Variants in FHIT observed in about 807,000 individuals in gnomAD.
FHIT encodes fragile histidine triad diadenosine triphosphatase, also known as bis(5'-adenosyl)-triphosphatase.
FHIT carries 19 observed loss-of-function variants against 17.9 expected under a neutral mutation model. That is an observed-to-expected ratio of 1.06 (90% CI 0.74 to 1.56). FHIT has a LOEUF of 1.56. Among genes scored for constraint, FHIT ranks in the 40% most tolerant of loss-of-function variants. FHIT has a pLI of 0.00. For missense variants in FHIT, 248 were observed against 189.2 expected (o/e 1.31, Z -1.82); for synonymous variants, 81 against 69.7 (o/e 1.16, Z -0.81).
At chr3:60,980,558 A>G (rs372514120) in intron 3 of FHIT, among the ~76,000 whole-genome samples, 1 of 152,188 alleles carries the variant, frequency 6.6e-6, no homozygotes, top group African/African-American at 2.4e-5. Flanking sequence ...CTGCCTACTC[A>G]TAACTCCCAG....
intron 3 of FHIT, among the ~76,000 whole-genome samples, chr3:60,935,357 G>A (rs1293675518): frequency 6.6e-6 from 1 of 152,008 alleles, no homozygotes; most frequent in Non-Finnish European, 1.5e-5. Context: ...CACTCTCGAG[G>A]TACACATGTT....
At position 60,863,546 on chromosome 3, in the gene FHIT, T is replaced by A. The variant is rs192078630; in HGVS notation, c.-110-41535A>T. On this transcript the variant is annotated intron_variant, in intron 3 of 9. Transcript: ENST00000492590. ...AAAGTATGCCTTATCACCTTATCAT[T>A]CATCAATCTGAGGTTTACTAAACAC... Among the ~76,000 whole-genome samples, 11 of 152,320 alleles carry A rather than the reference T, an allele frequency of 7.2e-5. No individual in the cohort carries two copies. The East Asian group carries it at 2.1e-3, about 29-fold the overall frequency.
At chr3:59,869,455 C>CATTAT (rs1333268535) in intron 8 of FHIT, among the ~76,000 whole-genome samples, 22 of 145,058 alleles carry the variant, frequency 1.5e-4, no homozygotes, top group African/African-American at 5.8e-4. Flanking sequence ...ATGTACTAGT[C>CATTAT]ATTATTCCAT....
chr3:59,907,447 TGAGA>T (rs755951813), intron 8 of FHIT, among the ~76,000 whole-genome samples: 2 of 152,102 alleles, frequency 1.3e-5, no homozygotes, highest in Non-Finnish European at 2.9e-5. Flanking sequence ...TGCCCCAGTG[TGAGA>T]GAGAAATGAT....
chr3:60,700,413 G>T (rs2041218945), intron 4 of FHIT, among the ~76,000 whole-genome samples: 1 of 152,086 alleles, frequency 6.6e-6, no homozygotes, highest in Non-Finnish European at 1.5e-5. Flanking sequence ...TGGACATGCT[G>T]GACATCACAT....
chr3:60,924,618 C>G (rs1451895304), intron 3 of FHIT, among the ~76,000 whole-genome samples: 2 of 152,112 alleles, frequency 1.3e-5, no homozygotes, highest in Non-Finnish European at 2.9e-5. Context: ...AAAAACAGAG[C>G]AGAAAAACTG....
intron 2 of FHIT, among the ~76,000 whole-genome samples, chr3:61,187,427 A>G (rs1374664524): frequency 6.6e-6 from 1 of 152,184 alleles, no homozygotes; most frequent in Non-Finnish European, 1.5e-5. Context: ...CCAGATTCAT[A>G]AAGCAAGCCC....
rs2034015636 is a variant in FHIT, at chr3:61,051,275, G to C, written c.-163-9176C>G. Among the ~76,000 whole-genome samples, 3 of 152,060 alleles carry C rather than the reference G, an allele frequency of 2.0e-5. No individual in the cohort carries two copies. In the South Asian group the frequency reaches 6.3e-4, roughly 32 times the overall value. On this transcript the variant is annotated intron_variant, in intron 2 of 9. Coordinates refer to ENST00000492590, the MANE Select transcript of FHIT (RefSeq NM_002012.4). ...TGTTTGTTTGTTTGTTTGTTTGTTT[G>C]TTTGTTTGTTTTTGAGACAGGGTCT...
chr3:60,514,538 G>T (rs2035075429), intron 5 of FHIT, among the ~76,000 whole-genome samples: 1 of 152,212 alleles, frequency 6.6e-6, no homozygotes, highest in Non-Finnish European at 1.5e-5. Context: ...GCTAATGCAT[G>T]CAGGGCTTAA....
intron 2 of FHIT, among the ~76,000 whole-genome samples, chr3:61,069,433 C>CA (rs1321708521): frequency 2.0e-5 from 3 of 152,156 alleles, no homozygotes; most frequent in African/African-American, 7.2e-5. Flanking sequence ...GCTTTTCCCC[C>CA]AACATCTCGC....
intron 3 of FHIT, among the ~76,000 whole-genome samples, chr3:60,974,549 T>C (rs1345143155): frequency 6.6e-6 from 1 of 152,182 alleles, no homozygotes; most frequent in Non-Finnish European, 1.5e-5. Context: ...CTCAGTTACA[T>C]GAATCAATAA....
chr3:60,333,697 G>A (rs1710102143), intron 5 of FHIT, among the ~76,000 whole-genome samples: 1 of 152,084 alleles, frequency 6.6e-6, no homozygotes. Context: ...GAGCTAATGT[G>A]TATGATTTAT....
At chr3:60,756,610 G>C (rs1200244183) in intron 4 of FHIT, among the ~76,000 whole-genome samples, 13 of 152,132 alleles carry the variant, frequency 8.5e-5, no homozygotes, top group South Asian at 6.2e-4. Flanking sequence ...CAGCCGGAGA[G>C]GAAAAAAGGA....
chr3:60,528,661 G>A (rs1433354647), intron 5 of FHIT, among the ~76,000 whole-genome samples: 2 of 152,166 alleles, frequency 1.3e-5, no homozygotes, highest in Non-Finnish European at 2.9e-5. Context: ...ATATAAAGGA[G>A]CTTCTTCCAT....
chr3:61,203,804 T>G (rs988016224), intron 1 of FHIT, among the ~76,000 whole-genome samples: 11 of 152,250 alleles, frequency 7.2e-5, no homozygotes, highest in African/African-American at 2.2e-4. Context: ...CTAAAACTAC[T>G]GATTAACTTG....
At chr3:60,595,102 G>A (rs1188518885) in intron 4 of FHIT, among the ~76,000 whole-genome samples, 2 of 152,102 alleles carry the variant, frequency 1.3e-5, no homozygotes, top group African/African-American at 2.4e-5. Flanking sequence ...ATATAAAGAA[G>A]CAACAGTCTG....
At chr3:60,994,625 A>G (rs2030518190) in intron 3 of FHIT, among the ~76,000 whole-genome samples, 1 of 152,238 alleles carries the variant, frequency 6.6e-6, no homozygotes, top group Non-Finnish European at 1.5e-5. Flanking sequence ...AACATTGGGC[A>G]CGGTTGGGAA....
intron 2 of FHIT, among the ~76,000 whole-genome samples, chr3:61,176,493 G>A (rs1364544518): frequency 6.6e-6 from 1 of 152,146 alleles, no homozygotes; most frequent in Non-Finnish European, 1.5e-5. Flanking sequence ...AACTTATGCA[G>A]AGAAGTTATG....
intron 1 of FHIT, among the ~76,000 whole-genome samples, chr3:61,215,593 C>A (rs1006126691): frequency 5.3e-5 from 8 of 152,112 alleles, no homozygotes; most frequent in Non-Finnish European, 1.2e-4. Flanking sequence ...AGATTCAATG[C>A]CATCCCCATC....
Sources: allele counts gnomAD v4.1 joint callset (sites outside exome capture counted in the v4.1 genomes callset), GRCh38; gene constraint gnomAD v4.1.1; transcripts MANE v1.5; gene names NCBI Gene and HGNC (gene_info 2026-07-23, HGNC 2026-07-21).